The following ETV6 variants were observed in gnomAD, a reference collection of about 807,000 sequenced individuals.
ETV6 encodes ETS variant transcription factor 6.
ETV6 carries 16 observed loss-of-function variants against 51.1 expected under a neutral mutation model. The observed-to-expected ratio is 0.31, with a 90% confidence interval of 0.21 to 0.48. ETV6 has a LOEUF of 0.48. ETV6 is among the 20% of genes least tolerant of loss of function. ETV6 has a pLI of 0.99. For synonymous variants in ETV6, 240 were observed against 224.1 expected (o/e 1.07, Z -0.64); for missense variants, 458 against 594.8 (o/e 0.77, Z 2.39).
intron 1 of ETV6, among the ~76,000 whole-genome samples, chr12:11,700,632 C>T (rs774138511): frequency 1.3e-5 from 2 of 151,976 alleles, no homozygotes; most frequent in Non-Finnish European, 2.9e-5. Context: ...TCTTATAGTA[C>T]AGTAAGCTAA....
Position 11,650,099 on chromosome 12 carries a change from G to A in ETV6, c.-29G>A, listed in dbSNP as rs764657313. ...GGAAAGGAAAGTGGAAAAAACCTGA[G>A]AACTTCCTGATCTCTCTCGCTGTGA... On this transcript the variant is annotated 5_prime_UTR_variant, in exon 1 of 8. Transcript: ENST00000396373. 92 of 1,612,134 alleles carry A rather than the reference G, an allele frequency of 5.7e-5. 1 individual carries two copies. Among genetic ancestry groups the A allele is most frequent in the Non-Finnish European group, 7.1e-5 (84 of 1,178,440 alleles).
intron 1 of ETV6, among the ~76,000 whole-genome samples, chr12:11,693,475 T>C (rs1383786825): frequency 2.0e-5 from 3 of 152,182 alleles, no homozygotes; most frequent in East Asian, 1.9e-4. Context: ...GCATATCCAG[T>C]TGGCTAAGAG....
intron 1 of ETV6, among the ~76,000 whole-genome samples, chr12:11,724,486 A>G (rs4763719): frequency 0.47 from 71,080 of 152,096 alleles, 19,606 homozygotes; most frequent in Middle Eastern, 0.64. Flanking sequence ...TGCTTGCCCT[A>G]TGGCTGAGTA....
chr12:11,738,054 T>C (rs555736779), intron 1 of ETV6, among the ~76,000 whole-genome samples: 69 of 151,764 alleles, frequency 4.5e-4, no homozygotes, highest in Non-Finnish European at 8.7e-4. Flanking sequence ...CGGTAAGAGG[T>C]TGTTTATATG....
At chr12:11,714,218 G>A (rs972391376) in intron 1 of ETV6, among the ~76,000 whole-genome samples, 3 of 152,110 alleles carry the variant, frequency 2.0e-5, no homozygotes, top group African/African-American at 7.2e-5. Flanking sequence ...ATGGAAAGAG[G>A]ACAAAGAAAG....
intron 5 of ETV6, among the ~76,000 whole-genome samples, chr12:11,872,599 T>G (rs1946898193): frequency 1.3e-5 from 2 of 151,894 alleles, no homozygotes; most frequent in South Asian, 4.2e-4. Flanking sequence ...GTTCAAGTGA[T>G]TCTCGTGCCT....
chr12:11,843,942 A>G (rs1313861541), intron 3 of ETV6, among the ~76,000 whole-genome samples: 1 of 152,124 alleles, frequency 6.6e-6, no homozygotes, highest in Non-Finnish European at 1.5e-5. Flanking sequence ...TTGTAAAGTT[A>G]AAGAATAAAT....
chr12:11,661,063 C>G (rs1440344889), intron 1 of ETV6, among the ~76,000 whole-genome samples: 1 of 152,194 alleles, frequency 6.6e-6, no homozygotes, highest in Non-Finnish European at 1.5e-5. Flanking sequence ...GATCATAGCT[C>G]ACCGTAACCT....
intron 1 of ETV6, among the ~76,000 whole-genome samples, chr12:11,742,530 T>C (rs1865828742): frequency 6.6e-6 from 1 of 152,336 alleles, no homozygotes; most frequent in South Asian, 2.1e-4. Flanking sequence ...TAAGATTGTT[T>C]GTATGTTACT....
chr12:11,669,373 T>TCCCTCCCTCCCTCCCTC (rs1864262418), intron 1 of ETV6, among the ~76,000 whole-genome samples: 1 of 129,344 alleles, frequency 7.7e-6, no homozygotes, highest in African/African-American at 3.3e-5. Flanking sequence ...CTTCCTCCCT[T>TCCCTCCCTCCCTCCCTC]CCTCCCTCCC....
intron 1 of ETV6, among the ~76,000 whole-genome samples, chr12:11,718,603 T>TAAA (rs35535946): frequency 4.7e-5 from 5 of 105,650 alleles, no homozygotes; most frequent in African/African-American, 7.1e-5. Context: ...CCATCGCTAC[T>TAAA]AAAAAAAAAA....
chr12:11,760,743 C>T (rs545306988), intron 2 of ETV6, among the ~76,000 whole-genome samples: 6 of 152,190 alleles, frequency 3.9e-5, no homozygotes, highest in African/African-American at 1.4e-4. Context: ...TACCTGCCAG[C>T]TCACAGGAGC....
intron 2 of ETV6, among the ~76,000 whole-genome samples, chr12:11,765,840 G>T (rs1032070156): frequency 2.6e-5 from 4 of 152,314 alleles, no homozygotes; most frequent in African/African-American, 9.6e-5. Context: ...CAGCCTTTCT[G>T]CCAGAAGTCT....
At chr12:11,821,373 TAAAG>T (rs775257003) in intron 2 of ETV6, among the ~76,000 whole-genome samples, 18 of 149,272 alleles carry the variant, frequency 1.2e-4, no homozygotes, top group East Asian at 6.0e-4. Context: ...CTCAAAAAAA[TAAAG>T]AAAGAAAGAA....
At chr12:11,794,180 C>G (rs1009972111) in intron 2 of ETV6, among the ~76,000 whole-genome samples, 1 of 152,162 alleles carries the variant, frequency 6.6e-6, no homozygotes, top group Non-Finnish European at 1.5e-5. Context: ...CTCTCTCTTT[C>G]TCTCTCTCCA....
In ETV6 at chr12:11,752,532, G is replaced by A. The variant is rs144209028; in HGVS notation, c.116G>A (p.Arg39Gln). ...SSTPLHVPVP[R>Q]ALRMEEDSIR... ...ACGCCACTTCATGTTCCAGTGCCTC[G>A]AGCGCTCAGGATGGAGGAAGACTCG... is the stretch of plus-strand genomic sequence containing the variant. Residue 39 changes from arginine (R) to glutamine (Q), a missense_variant, in exon 2 of 8, where the codon CGA (arginine) becomes CAA (glutamine). By Grantham distance (43) the Arg-to-Gln change is conservative. Transcript: ENST00000396373. 41 of 1,613,678 alleles carry A rather than the reference G, an allele frequency of 2.5e-5. No individual in the cohort carries two copies. Among genetic ancestry groups the A allele is most frequent in the Admixed American group, 6.7e-5 (4 of 59,988 alleles).
chr12:11,813,293 C>T (rs942205635), intron 2 of ETV6, among the ~76,000 whole-genome samples: 8 of 152,236 alleles, frequency 5.3e-5, no homozygotes, highest in African/African-American at 1.7e-4. Flanking sequence ...CCAGCCCACC[C>T]GCCAGGGGCA....
At chr12:11,678,618 G>A (rs965650561) in intron 1 of ETV6, among the ~76,000 whole-genome samples, 3 of 152,140 alleles carry the variant, frequency 2.0e-5, no homozygotes, top group African/African-American at 7.2e-5. Context: ...GTTCTCCAGA[G>A]AAACAGAACC....
At chr12:11,776,538 C>A (rs2136360297) in intron 2 of ETV6, among the ~76,000 whole-genome samples, 1 of 152,210 alleles carries the variant, frequency 6.6e-6, no homozygotes, top group South Asian at 2.1e-4. Context: ...AGCCACCACA[C>A]CCAGCCAGAA....
Sources: allele counts gnomAD v4.1 joint callset (sites outside exome capture counted in the v4.1 genomes callset), GRCh38; gene constraint gnomAD v4.1.1; transcripts MANE v1.5; gene names NCBI Gene and HGNC (gene_info 2026-07-23, HGNC 2026-07-21).